Variants in GRB14 observed in about 807,000 individuals in gnomAD.
GRB14 encodes growth factor receptor-bound protein 14.
Under a neutral mutation model 69.1 loss-of-function variants are expected in GRB14, and 38 were observed. That is an observed-to-expected ratio of 0.55 (90% CI 0.42 to 0.72). The LOEUF is 0.72. Ranked by LOEUF, GRB14 falls within the 30% of genes least tolerant of loss-of-function variation. The probability of loss-of-function intolerance (pLI) is 0.00; values close to 1 mark genes in which losing one functional copy is unlikely to be tolerated. For synonymous variants in GRB14, 247 were observed against 241.3 expected, an observed-to-expected ratio of 1.02 and a Z score of -0.22; for missense variants, 666 against 666.1, an observed-to-expected ratio of 1.00 and a Z score of 0.00.
At chr2:164,589,322 C>T (rs1318679945) in intron 2 of GRB14, among the ~76,000 whole-genome samples, 1 of 152,140 alleles carries the variant, frequency 6.6e-6, no homozygotes, top group African/African-American at 2.4e-5. Context: ...GGCAATGTCA[C>T]AGAAAAAGTT....
intron 2 of GRB14, chr2:164,568,201 G>T: frequency 2.2e-6 from 1 of 446,536 alleles, no homozygotes; most frequent in Non-Finnish European, 3.7e-6. Context: ...ATGAATTATA[G>T]GCTCTTTCAA....
In GRB14 at chr2:164,563,304, G is replaced by C. The variant is rs561265564; in HGVS notation, c.325-15488C>G. On this transcript the variant is annotated intron_variant, in intron 2 of 13. Transcript: ENST00000263915. ...TTTACTAAATGTCTAATATGTCCAAGGCACTTGTAGAGGAGATGGCGAGTT... is the reference window on the plus strand; with the variant it reads ...TTTACTAAATGTCTAATATGTCCAACGCACTTGTAGAGGAGATGGCGAGTT... 1.1e-4 allele frequency among the ~76,000 whole-genome samples: 16 copies of C among 152,272 alleles called. No individual in the cohort carries two copies. The South Asian group carries it at 3.1e-3, about 30-fold the overall frequency.
chr2:164,547,612 C>T, intron 3 of GRB14, 48 bp downstream of exon 3: 3 of 1,484,130 alleles, frequency 2.0e-6, no homozygotes, highest in South Asian at 2.7e-5. Flanking sequence ...GGGAGCTGAA[C>T]AAGAAATAGA....
At chr2:164,570,980 CTA>C in intron 2 of GRB14, among the ~76,000 whole-genome samples, 1 of 152,118 alleles carries the variant, frequency 6.6e-6, no homozygotes, top group East Asian at 1.9e-4. Context: ...CATTTTGTGA[CTA>C]TGTTATCAAA....
chr2:164,613,049 G>A lies in GRB14; in HGVS notation c.324+6638C>T, dbSNP rs562508712. Among the ~76,000 whole-genome samples the A allele has an allele frequency of 2.0e-5, 3 of 152,312 alleles. No individual in the cohort carries two copies. In the South Asian group the frequency reaches 6.2e-4, roughly 32 times the overall value. The stretch of plus-strand genomic sequence containing the variant: ...TGTCATCAGGGGTTAAGGGACCTCA[G>A]TAAGACGTAAGCTCAGGAAAATGGA... On this transcript the variant is annotated intron_variant, in intron 2 of 13. Transcript: ENST00000263915.
At chr2:164,526,837 T>C (rs1273615995) in intron 4 of GRB14, among the ~76,000 whole-genome samples, 177 bp downstream of exon 4, 1 of 151,968 alleles carries the variant, frequency 6.6e-6, no homozygotes, top group Non-Finnish European at 1.5e-5. Context: ...AACTTCTGTG[T>C]ATAATGTTCA....
intron 8 of GRB14, among the ~76,000 whole-genome samples, chr2:164,506,837 G>A (rs1687202874): frequency 6.6e-6 from 1 of 152,112 alleles, no homozygotes; most frequent in Non-Finnish European, 1.5e-5. Flanking sequence ...CAATGTTGGT[G>A]AACCACAAAA....
At chr2:164,512,377 G>A (rs1282163182) in intron 6 of GRB14, among the ~76,000 whole-genome samples, 1 of 152,152 alleles carries the variant, frequency 6.6e-6, no homozygotes, top group Non-Finnish European at 1.5e-5. Context: ...ATGTTGGCCA[G>A]GCTGGTCTCT....
At chr2:164,548,482 A>G (rs983243173) in intron 2 of GRB14, among the ~76,000 whole-genome samples, 1 of 152,186 alleles carries the variant, frequency 6.6e-6, no homozygotes, top group Non-Finnish European at 1.5e-5. Flanking sequence ...AGTTGTTTCC[A>G]TATCTTAGCT....
At chr2:164,570,553 A>G (rs1307544474) in intron 2 of GRB14, among the ~76,000 whole-genome samples, 1 of 152,150 alleles carries the variant, frequency 6.6e-6, no homozygotes, top group Non-Finnish European at 1.5e-5. Context: ...GCACCAAGGT[A>G]GAAGCAACTG....
At chr2:164,503,965 T>C (rs1021420867) in intron 8 of GRB14, among the ~76,000 whole-genome samples, 4 of 152,010 alleles carry the variant, frequency 2.6e-5, no homozygotes, top group Non-Finnish European at 4.4e-5. Context: ...CCCCATCCTA[T>C]GGAGGGGCAG....
chr2:164,500,142 G>A (rs371224224), intron 9 of GRB14, among the ~76,000 whole-genome samples: 17 of 152,030 alleles, frequency 1.1e-4, no homozygotes, highest in African/African-American at 2.6e-4. Flanking sequence ...CCAACCCTCC[G>A]TCCCCTCACT....
chr2:164,618,197 C>T (rs1346809187), intron 2 of GRB14, among the ~76,000 whole-genome samples: 1 of 151,986 alleles, frequency 6.6e-6, no homozygotes. Flanking sequence ...AATCTTCAGA[C>T]TTCGTGATCT....
chr2:164,550,608 A>C (rs564675841), intron 2 of GRB14, among the ~76,000 whole-genome samples: 1 of 152,218 alleles, frequency 6.6e-6, no homozygotes, highest in African/African-American at 2.4e-5. Context: ...CCTTTGACCC[A>C]GCAATTTTTC....
chr2:164,508,434 T>G, intron 8 of GRB14, 21 bp downstream of exon 8: 1 of 1,596,678 alleles, frequency 6.3e-7, no homozygotes, highest in Non-Finnish European at 8.6e-7. Context: ...TAATAGAAAT[T>G]CATGCCTCCG....
intron 2 of GRB14, among the ~76,000 whole-genome samples, chr2:164,583,722 A>T (rs991438651): frequency 1.3e-5 from 2 of 152,234 alleles, no homozygotes; most frequent in African/African-American, 4.8e-5. Context: ...TGGTGGGACA[A>T]ATAGTAAAAG....
At chr2:164,585,084 GCTTTTTTTTT>G (rs1689505588) in intron 2 of GRB14, among the ~76,000 whole-genome samples, 1 of 94,210 alleles carries the variant, frequency 1.1e-5, no homozygotes, top group Non-Finnish European at 1.9e-5. Context: ...ACCATGCCTG[GCTTTTTTTTT>G]TTTTTTTTTT....
At chr2:164,545,844 T>A (rs1688359974) in intron 3 of GRB14, among the ~76,000 whole-genome samples, 1 of 152,202 alleles carries the variant, frequency 6.6e-6, no homozygotes, top group Non-Finnish European at 1.5e-5. Context: ...GTAGAACGAA[T>A]TCTTTAGAAC....
intron 9 of GRB14, among the ~76,000 whole-genome samples, chr2:164,498,848 G>A (rs1278246853): frequency 6.6e-6 from 1 of 152,058 alleles, no homozygotes; most frequent in Non-Finnish European, 1.5e-5. Flanking sequence ...ATGCTGTAGT[G>A]GCCTACAATC....
Sources: allele counts gnomAD v4.1 joint callset (sites outside exome capture counted in the v4.1 genomes callset), GRCh38; gene constraint gnomAD v4.1.1; transcripts MANE v1.5; gene names NCBI Gene and HGNC (gene_info 2026-07-23, HGNC 2026-07-21).